CACNA2D3: variants seen among roughly 807,000 people sequenced by gnomAD.
The protein encoded by CACNA2D3 is voltage-dependent calcium channel subunit alpha-2/delta-3.
Under a neutral mutation model 160.6 loss-of-function variants are expected in CACNA2D3, and 60 were observed. The observed-to-expected ratio is 0.37, with a 90% CI of 0.30 to 0.46. CACNA2D3 has a LOEUF of 0.46. CACNA2D3 is among the 20% of genes least tolerant of loss of function. CACNA2D3 has a pLI of 1.00. For synonymous variants in CACNA2D3, 558 were observed against 492.9 expected, an observed-to-expected ratio of 1.13 and a Z score of -1.75; for missense variants, 1,205 against 1,365.0, an observed-to-expected ratio of 0.88 and a Z score of 1.85.
At chr3:54,857,717 G>A (rs1026296429) in intron 17 of CACNA2D3, among the ~76,000 whole-genome samples, 2 of 152,166 alleles carry the variant, frequency 1.3e-5, no homozygotes, top group Non-Finnish European at 2.9e-5. Context: ...ACACCAGCAG[G>A]CTGATGTGTC....
chr3:54,765,535 A>T (rs1013543750), intron 13 of CACNA2D3, among the ~76,000 whole-genome samples: 1 of 152,346 alleles, frequency 6.6e-6, no homozygotes, highest in East Asian at 1.9e-4. Flanking sequence ...CACCATATTA[A>T]CAATAGCAGC....
At chr3:54,880,088 A>G (rs1699757202) in intron 20 of CACNA2D3, among the ~76,000 whole-genome samples, 1 of 152,254 alleles carries the variant, frequency 6.6e-6, no homozygotes, top group Non-Finnish European at 1.5e-5. Flanking sequence ...AATAATCTGA[A>G]AAATAAATTC....
intron 4 of CACNA2D3, among the ~76,000 whole-genome samples, chr3:54,419,581 A>T (rs1237208121): frequency 6.6e-6 from 1 of 152,110 alleles, no homozygotes; most frequent in Admixed American, 6.5e-5. Context: ...ATTATATTCT[A>T]TACTTCTTTT....
At chr3:54,511,311 C>A (rs190418094) in intron 5 of CACNA2D3, among the ~76,000 whole-genome samples, 380 of 152,232 alleles carry the variant, frequency 2.5e-3, no homozygotes, top group African/African-American at 8.7e-3. Context: ...TTCTTTTTCA[C>A]TGCACTCTCC....
In CACNA2D3 at chr3:54,705,432, A is replaced by G. The variant is rs184315694; in HGVS notation, c.1168-47167A>G. On this transcript the variant is annotated intron_variant, in intron 11 of 37. Coordinates refer to ENST00000474759, the MANE Select transcript of CACNA2D3 (RefSeq NM_018398.3). ...TGGCCTTTGTAAAGACGTTGTCCCCAGCCCCTGGTAACATGCCAGTGCTGC... is the reference window on the plus strand; with the variant it reads ...TGGCCTTTGTAAAGACGTTGTCCCCGGCCCCTGGTAACATGCCAGTGCTGC... 1.7e-4 allele frequency among the ~76,000 whole-genome samples: 26 copies of G among 152,300 alleles called. 1 individual carries two copies. The highest frequency in any genetic ancestry group is 6.3e-4 in the African/African-American group (26 of 41,568).
intron 3 of CACNA2D3, among the ~76,000 whole-genome samples, chr3:54,346,745 A>G (rs970014921): frequency 6.6e-6 from 1 of 152,172 alleles, no homozygotes; most frequent in African/African-American, 2.4e-5. Flanking sequence ...GTATAGTTCT[A>G]AGGGTTTTAA....
intron 10 of CACNA2D3, among the ~76,000 whole-genome samples, chr3:54,630,095 A>G (rs1469535249): frequency 6.6e-6 from 1 of 152,006 alleles, no homozygotes; most frequent in South Asian, 2.1e-4. Flanking sequence ...AATCTTGTGC[A>G]GCTGTGCATG....
chr3:54,943,203 TA>T lies in CACNA2D3; in HGVS notation c.2450-25233del, dbSNP rs34708598. 7.6e-3 allele frequency among the ~76,000 whole-genome samples: 1,074 copies of T among 142,038 alleles called. 4 individuals carry two copies. The highest frequency in any genetic ancestry group is 0.011 in the Non-Finnish European group (693 of 65,462). The allele number at this position is 142,038 out of a possible 152,430, so 93.2% of individuals were successfully genotyped here. ...GGTAATAGCAACACGCTATCTCTGG[TA>T]AAAAAAAAAAAAATGAGAATAATAA... On this transcript the variant is annotated intron_variant, in intron 27 of 37. Coordinates refer to ENST00000474759, the MANE Select transcript of CACNA2D3 (RefSeq NM_018398.3).
intron 5 of CACNA2D3, among the ~76,000 whole-genome samples, chr3:54,504,531 T>C (rs994258273): frequency 1.3e-5 from 2 of 152,234 alleles, no homozygotes; most frequent in Non-Finnish European, 2.9e-5. Flanking sequence ...AGCATCTTTA[T>C]CCTATTGCTA....
At chr3:54,836,546 C>T (rs1456816032) in intron 14 of CACNA2D3, among the ~76,000 whole-genome samples, 2 of 152,110 alleles carry the variant, frequency 1.3e-5, no homozygotes, top group African/African-American at 4.8e-5. Context: ...AAGGGCCATT[C>T]TTATAAGAGA....
intron 4 of CACNA2D3, among the ~76,000 whole-genome samples, chr3:54,475,678 C>T (rs1700815925): frequency 6.6e-6 from 1 of 152,220 alleles, no homozygotes; most frequent in Non-Finnish European, 1.5e-5. Context: ...ATGCGTCCCT[C>T]TCCCAGCTTT....
intron 5 of CACNA2D3, among the ~76,000 whole-genome samples, chr3:54,537,789 T>C (rs1211494323): frequency 6.6e-6 from 1 of 152,174 alleles, no homozygotes; most frequent in Non-Finnish European, 1.5e-5. Context: ...TGTGAGACAA[T>C]GCTTGGGAAG....
intron 2 of CACNA2D3, among the ~76,000 whole-genome samples, chr3:54,233,219 T>C (rs1376458548): frequency 6.6e-6 from 1 of 152,238 alleles, no homozygotes; most frequent in Non-Finnish European, 1.5e-5. Context: ...ATATCAATTC[T>C]GTGCTAACAG....
At chr3:54,806,462 AAG>A (rs1408478625) in intron 13 of CACNA2D3, among the ~76,000 whole-genome samples, 1 of 152,182 alleles carries the variant, frequency 6.6e-6, no homozygotes, top group African/African-American at 2.4e-5. Flanking sequence ...AATTGCTTCA[AAG>A]AGAATAAAAT....
At chr3:54,925,204 G>C in intron 27 of CACNA2D3, 1 of 1,610,904 alleles carries the variant, frequency 6.2e-7, no homozygotes, top group East Asian at 2.2e-5. Context: ...CTGGAAAACA[G>C]GAGCAGTTCA....
chr3:54,541,278 GAAAAA>G (rs141900915), intron 5 of CACNA2D3, among the ~76,000 whole-genome samples: 8 of 81,712 alleles, frequency 9.8e-5, no homozygotes, highest in Admixed American at 5.2e-4. Context: ...CTCCGTCTCA[GAAAAA>G]AAAAAAAAAA....
chr3:54,494,260 C>A (rs1338201861), intron 4 of CACNA2D3, among the ~76,000 whole-genome samples: 1 of 152,182 alleles, frequency 6.6e-6, no homozygotes, highest in Admixed American at 6.5e-5. Flanking sequence ...GCAATGCATT[C>A]CAAAGACTGA....
At chr3:54,289,456 C>A (rs1486957221) in intron 2 of CACNA2D3, among the ~76,000 whole-genome samples, 1 of 152,036 alleles carries the variant, frequency 6.6e-6, no homozygotes, top group Non-Finnish European at 1.5e-5. Flanking sequence ...TAGGAAGAAT[C>A]AATATCGTGA....
chr3:54,721,243 G>A (rs1245695255), intron 11 of CACNA2D3, among the ~76,000 whole-genome samples: 1 of 152,064 alleles, frequency 6.6e-6, no homozygotes, highest in African/African-American at 2.4e-5. Context: ...TCCAAGCCAT[G>A]ATTATTGTCA....
Sources: gnomAD v4.1 joint callset for allele counts (sites outside exome capture counted in the v4.1 genomes callset) on GRCh38, gnomAD v4.1.1 for gene constraint, MANE v1.5 for transcripts, NCBI Gene and HGNC (gene_info 2026-07-23, HGNC 2026-07-21) for gene names.